The following DHX36 variants were observed in gnomAD, a reference collection of about 807,000 sequenced individuals.
DHX36 encodes DEAH-box helicase 36.
A neutral mutation model predicts 139.0 loss-of-function variants in DHX36; 50 were observed. The ratio of observed to expected loss-of-function variants is 0.36; its 90% confidence interval spans 0.29 to 0.46. The LOEUF (loss-of-function observed/expected upper bound fraction) is 0.46. Ranked by LOEUF, DHX36 falls within the 20% of genes least tolerant of loss-of-function variation. The pLI, the probability that DHX36 is intolerant of heterozygous loss-of-function variation, is 1.00. For synonymous variants in DHX36, 425 were observed against 401.9 expected (o/e 1.06, Z -0.69); for missense variants, 1,024 against 1,211.3 (o/e 0.85, Z 2.29).
At chr3:154,322,665 C>CTA (rs755477930) in intron 1 of DHX36, among the ~76,000 whole-genome samples, 30 of 152,220 alleles carry the variant, frequency 2.0e-4, no homozygotes, top group Non-Finnish European at 3.5e-4. Context: ...GCACAACTGG[C>CTA]TATACCCTTC....
chr3:154,315,113 G>A lies in DHX36; in HGVS notation c.536C>T (p.Thr179Ile). The change falls in exon 3 of 25, where the codon ACT (threonine) becomes ATT (isoleucine). Residue 179 changes from threonine (T) to isoleucine (I), a missense_variant. Physicochemically the swap from Thr to Ile is moderately conservative, Grantham distance 89 (BLOSUM62 -1). Coordinates refer to ENST00000496811, the MANE Select transcript of DHX36 (RefSeq NM_020865.3). ...ATCTTCCAATAATTTTTGGTCTAAA[G>A]TTCCATCTGGTTCATTTTCTTGCAA... ...YLLQENEPDG[T>I]LDQKLLEDLQ... is the part of the protein sequence containing the mutation. The A allele has an allele frequency of 6.2e-7, 1 of 1,612,996 alleles. No individual in the cohort carries two copies. The highest frequency in any genetic ancestry group is 1.1e-5 in the South Asian group (1 of 90,888).
At chr3:154,323,189 G>C (rs964086607) in intron 1 of DHX36, among the ~76,000 whole-genome samples, 2 of 152,130 alleles carry the variant, frequency 1.3e-5, no homozygotes, top group African/African-American at 4.8e-5. Flanking sequence ...ACAAAAATTA[G>C]CCGGAGGTGG....
In DHX36 at chr3:154,284,566, AAAT is replaced by A. The variant is rs1559946081; in HGVS notation, c.2292+14_2292+16del. 1 of 1,548,042 alleles carries A rather than the reference AAAT, an allele frequency of 6.5e-7. No homozygotes were observed. The highest frequency in any genetic ancestry group is 1.9e-5 in the Admixed American group (1 of 53,266). On this transcript the variant is annotated intron_variant, in intron 19 of 24. Transcript: ENST00000496811. ...GAATAAACTATCATAATCCAGGACA[AAAT>A]TTTTTTTTTTTACCTCAAACGCATT...
intron 12 of DHX36, 199 bp downstream of exon 12, chr3:154,299,639 C>T (rs1712188634): frequency 3.5e-6 from 2 of 567,736 alleles, no homozygotes; most frequent in South Asian, 1.8e-5. Context: ...CCTCACATAC[C>T]TATGCTTTAA....
intron 12 of DHX36, chr3:154,299,615 G>T: frequency 2.1e-6 from 1 of 484,316 alleles, no homozygotes; most frequent in Non-Finnish European, 3.8e-6. Flanking sequence ...AGCAGTAAGT[G>T]AAAAAATGAA....
intron 9 of DHX36, among the ~76,000 whole-genome samples, chr3:154,301,798 C>T (rs1403258501): frequency 6.6e-6 from 1 of 152,030 alleles, no homozygotes; most frequent in African/African-American, 2.4e-5. Context: ...TTCTACCTAT[C>T]ATTGTCAGTC....
At chr3:154,285,729 G>A (rs1711525086) in intron 17 of DHX36, among the ~76,000 whole-genome samples, 1 of 151,096 alleles carries the variant, frequency 6.6e-6, no homozygotes, top group Non-Finnish European at 1.5e-5. Context: ...ATGCAAACAA[G>A]AAATAATAAT....
intron 14 of DHX36, among the ~76,000 whole-genome samples, chr3:154,292,982 C>G (rs1241186858): frequency 1.3e-5 from 2 of 152,058 alleles, no homozygotes; most frequent in African/African-American, 4.8e-5. Context: ...TCTTACTTGC[C>G]TACAGTCAAA....
intron 15 of DHX36, among the ~76,000 whole-genome samples, chr3:154,290,169 C>T (rs574760782): frequency 6.6e-6 from 1 of 152,188 alleles, no homozygotes; most frequent in African/African-American, 2.4e-5. Context: ...GTCAAGTATG[C>T]CTTGTGATCA....
At chr3:154,315,925 G>C (rs1576882420) in intron 2 of DHX36, 114 bp downstream of exon 2, 1 of 1,276,108 alleles carries the variant, frequency 7.8e-7, no homozygotes, top group Non-Finnish European at 1.1e-6. Flanking sequence ...ATCTACATAA[G>C]GAAAAAAAGT....
intron 19 of DHX36, 66 bp from the exon 20 acceptor site, chr3:154,283,337 T>A: frequency 9.0e-7 from 1 of 1,109,032 alleles, no homozygotes; most frequent in Non-Finnish European, 1.4e-6. Context: ...CTGGTTTCCC[T>A]CTTTACTTTA....
intron 16 of DHX36, 124 bp downstream of exon 16, chr3:154,289,585 A>G: frequency 3.0e-6 from 2 of 664,276 alleles, no homozygotes; most frequent in Non-Finnish European, 5.4e-6. Context: ...TTACTAATGC[A>G]CACATGAAAT....
At chr3:154,277,552 A>G (rs578009377) in intron 23 of DHX36, 46 bp downstream of exon 23, 3 of 1,541,386 alleles carry the variant, frequency 1.9e-6, no homozygotes, top group African/African-American at 2.7e-5. Flanking sequence ...TAAAAATACA[A>G]TGAGACTGAT....
chr3:154,297,640 G>T (rs1181668732), intron 12 of DHX36, among the ~76,000 whole-genome samples: 3 of 151,930 alleles, frequency 2.0e-5, no homozygotes, highest in Non-Finnish European at 4.4e-5. Context: ...AACCTGGGAG[G>T]CGGAGGTTGC....
chr3:154,305,010 TTTTTC>T, intron 7 of DHX36, 38 bp from the exon 8 acceptor site: 4 of 1,596,312 alleles, frequency 2.5e-6, no homozygotes, highest in Non-Finnish European at 3.4e-6. Context: ...TTTAAAACCA[TTTTTC>T]TTTAACAACT....
intron 8 of DHX36, 92 bp from the exon 9 acceptor site, chr3:154,303,502 C>T: frequency 1.1e-6 from 1 of 891,086 alleles, no homozygotes; most frequent in Non-Finnish European, 1.7e-6. Context: ...CTATTACTTA[C>T]TATTAATTCC....
chr3:154,313,409 G>A (rs1712845306), intron 3 of DHX36, among the ~76,000 whole-genome samples: 1 of 152,204 alleles, frequency 6.6e-6, no homozygotes, highest in Non-Finnish European at 1.5e-5. Flanking sequence ...ACTGGCTGGT[G>A]TGGCTCACTC....
intron 20 of DHX36, 83 bp downstream of exon 20, chr3:154,283,105 C>T (rs1398574044): frequency 2.1e-5 from 23 of 1,082,604 alleles, no homozygotes; most frequent in Non-Finnish European, 3.1e-5. Context: ...GACTTTTTTG[C>T]TATAGATCTA....
chr3:154,319,223 T>G (rs185957900), intron 1 of DHX36: 1 of 152,300 alleles, frequency 6.6e-6, no homozygotes, highest in East Asian at 1.9e-4. Context: ...ACTATTTTCT[T>G]TTATCATAGA....
Sources: gnomAD v4.1 joint callset for allele counts (sites outside exome capture counted in the v4.1 genomes callset) on GRCh38, gnomAD v4.1.1 for gene constraint, MANE v1.5 for transcripts, NCBI Gene and HGNC (gene_info 2026-07-23, HGNC 2026-07-21) for gene names.